Variants in GRK5 observed in about 807,000 individuals in gnomAD.
The protein encoded by GRK5 is g protein-coupled receptor kinase GRK5.
GRK5 carries 40 observed loss-of-function variants against 78.4 expected under a neutral mutation model. The observed-to-expected ratio is 0.51, with a 90% CI of 0.40 to 0.66. The LOEUF is 0.66. Ranked by LOEUF, GRK5 falls within the 30% of genes least tolerant of loss-of-function variation. The pLI, the probability that GRK5 is intolerant of heterozygous loss-of-function variation, is 0.00. For missense variants in GRK5, 598 were observed against 759.9 expected (o/e 0.79, Z 2.50); for synonymous variants, 289 against 296.8 (o/e 0.97, Z 0.27).
chr10:119,435,692 G>A (rs1004741469), intron 8 of GRK5, among the ~76,000 whole-genome samples: 2 of 152,164 alleles, frequency 1.3e-5, no homozygotes, highest in Non-Finnish European at 2.9e-5. Flanking sequence ...TATCTTCTGA[G>A]CCCTTCAAAC....
Position 119,455,081 on chromosome 10 carries a change from C to G in GRK5, c.*14C>G. On this transcript the variant is annotated 3_prime_UTR_variant, in exon 16 of 16. Coordinates refer to ENST00000392870, the MANE Select transcript of GRK5 (RefSeq NM_005308.3). ...GGAAGCAGCTAGTTTCGGCTCTGGC[C>G]TCCAAGTCCACAGTGGAACCAGCCC... The G allele has an allele frequency of 3.1e-6, 5 of 1,593,690 alleles. No homozygotes were observed. The highest frequency in any genetic ancestry group is 4.3e-6 in the Non-Finnish European group (5 of 1,161,402).
At chr10:119,416,277 G>A (rs1589798049) in intron 4 of GRK5, among the ~76,000 whole-genome samples, 1 of 152,274 alleles carries the variant, frequency 6.6e-6, no homozygotes, top group Admixed American at 6.5e-5. Context: ...TGGTGCAGAG[G>A]CAGGGAGCAG....
intron 1 of GRK5, among the ~76,000 whole-genome samples, chr10:119,275,613 G>GCGCGCACA (rs1195537574): frequency 1.7e-5 from 2 of 120,678 alleles, no homozygotes; most frequent in African/African-American, 2.9e-5. Flanking sequence ...TCTCTCTCTC[G>GCGCGCACA]CACACACACA....
At chr10:119,423,591 C>T (rs1008827369) in intron 5 of GRK5, among the ~76,000 whole-genome samples, 2 of 152,190 alleles carry the variant, frequency 1.3e-5, no homozygotes, top group East Asian at 1.9e-4. Context: ...GCCACCAACC[C>T]GAGCCAGTGC....
At chr10:119,265,034 A>G (rs1415433263) in intron 1 of GRK5, among the ~76,000 whole-genome samples, 1 of 152,148 alleles carries the variant, frequency 6.6e-6, no homozygotes, top group Non-Finnish European at 1.5e-5. Flanking sequence ...GCCTCTTTGG[A>G]CAGGCAGCAG....
chr10:119,338,677 C>T (rs1312250336), intron 2 of GRK5, among the ~76,000 whole-genome samples: 1 of 152,184 alleles, frequency 6.6e-6, no homozygotes, highest in East Asian at 1.9e-4. Context: ...ACATACTGGG[C>T]CATTGGGAGC....
rs1010329037 is a variant in GRK5 at position 119,253,431 on chromosome 10, C to T, written c.52+45462C>T. Among the ~76,000 whole-genome samples, 1 of 152,190 alleles carries T rather than the reference C, an allele frequency of 6.6e-6. No individual in the cohort carries two copies. The highest frequency in any genetic ancestry group is 2.4e-5 in the African/African-American group (1 of 41,436). Reference sequence around the variant, plus strand: ...AAGCCAGCCTCCCCACCACCCCTGCCCTCCGTTCCTTTTATATTTAAATCA... The same window carrying T: ...AAGCCAGCCTCCCCACCACCCCTGCTCTCCGTTCCTTTTATATTTAAATCA... On this transcript the variant is annotated intron_variant, in intron 1 of 15. Transcript: ENST00000392870. The surrounding 1 kb of genome is among the most constrained non-coding windows in gnomAD (Gnocchi z 5.7).
Position 119,455,408 on chromosome 10 carries a change from TTTCTC to T in GRK5, c.*343_*347del. ...GATTTTTAAAGAAAAGTTTTGTAAA[TTTCTC>T]TACTGTCTCAGTTTACATTTTGTAT... On this transcript the variant is annotated 3_prime_UTR_variant, in exon 16 of 16. Coordinates refer to ENST00000392870, the MANE Select transcript of GRK5 (RefSeq NM_005308.3). 1.5e-5 allele frequency: 7 copies of T among 471,068 alleles called. No homozygotes were observed. The highest frequency in any genetic ancestry group is 1.0e-4 in the South Asian group (6 of 57,650). 29.2% of individuals were successfully genotyped at this position (471,068 alleles called of 1,614,324 possible). A position where few individuals can be genotyped will look rare whatever the true frequency, so the allele number is the denominator to read the frequency against.
intron 2 of GRK5, among the ~76,000 whole-genome samples, chr10:119,367,819 G>A (rs1176046731): frequency 6.6e-6 from 1 of 152,234 alleles, no homozygotes; most frequent in Non-Finnish European, 1.5e-5. Flanking sequence ...TGGGGGTCTT[G>A]GGACCCTGAG....
At chr10:119,274,086 G>A (rs1849629353) in intron 1 of GRK5, among the ~76,000 whole-genome samples, 1 of 152,218 alleles carries the variant, frequency 6.6e-6, no homozygotes, top group Non-Finnish European at 1.5e-5. Flanking sequence ...AGCTGGGTTT[G>A]TGTCATAAGT....
At chr10:119,358,571 C>T (rs1021748435) in intron 2 of GRK5, among the ~76,000 whole-genome samples, 2 of 152,168 alleles carry the variant, frequency 1.3e-5, no homozygotes, top group African/African-American at 4.8e-5. Context: ...TCATCTGCTC[C>T]TCTTCCACAG....
intron 3 of GRK5, among the ~76,000 whole-genome samples, chr10:119,382,443 A>C (rs759378073): frequency 6.6e-6 from 1 of 152,200 alleles, no homozygotes; most frequent in Admixed American, 6.5e-5. Context: ...TTCAAGCTAT[A>C]AAAAGTAAAA....
In GRK5 at chr10:119,326,532, C is replaced by T; in HGVS notation, c.69C>T (p.Arg23=). 6.2e-7 allele frequency: 1 copy of T among 1,614,108 alleles called. No individual in the cohort carries two copies. Among genetic ancestry groups the T allele is most frequent in the Non-Finnish European group, 8.5e-7 (1 of 1,179,970 alleles). ...LKAREGGGGK[R]KGKSKKWKEI... Reference sequence around the variant, plus strand: ...TCTCTGCAGGGGGCGGAGGAAAGCGCAAAGGGAAAAGCAAGAAGTGGAAAG... The same window carrying T: ...TCTCTGCAGGGGGCGGAGGAAAGCGTAAAGGGAAAAGCAAGAAGTGGAAAG... Residue 23 remains arginine (R), a synonymous_variant, in exon 2 of 16, where the codon CGC becomes CGT. Coordinates refer to ENST00000392870, the MANE Select transcript of GRK5 (RefSeq NM_005308.3).
At position 119,390,346 on chromosome 10, in the gene GRK5, CG is replaced by C. The variant is rs575868898; in HGVS notation, c.262-6346del. On this transcript the variant is annotated intron_variant, in intron 3 of 15. Coordinates refer to ENST00000392870, the MANE Select transcript of GRK5 (RefSeq NM_005308.3). ...AAGGTGAAAGGCACGTCTCACATGG[CG>C]GGAGACAAGAGAAGAGAGCGTGTGC... 6.6e-5 allele frequency among the ~76,000 whole-genome samples: 10 copies of C among 152,280 alleles called. No homozygotes were observed. The South Asian group carries it at 1.7e-3, about 25-fold the overall frequency.
chr10:119,260,289 C>A (rs1202665167), intron 1 of GRK5, among the ~76,000 whole-genome samples: 1 of 152,196 alleles, frequency 6.6e-6, no homozygotes, highest in Non-Finnish European at 1.5e-5. Flanking sequence ...GCGTGAGCCG[C>A]CGCACCGGCC....
intron 4 of GRK5, among the ~76,000 whole-genome samples, chr10:119,402,697 A>G (rs111783964): frequency 0.017 from 2,651 of 152,142 alleles, 76 homozygotes; most frequent in African/African-American, 0.061. Flanking sequence ...CACTAAAAAT[A>G]CAAAAAATCA....
rs904214358 is a variant in GRK5, at chr10:119,379,044, G to C, written c.149-1771G>C. ...ATGGGAGGCGTCAGCTCCCCTTTTA[G>C]ATTCAGAGGCTTGGGTTGAATTGGT... is the stretch of plus-strand genomic sequence containing the variant. On this transcript the variant is annotated intron_variant, in intron 2 of 15. Coordinates refer to ENST00000392870, the MANE Select transcript of GRK5 (RefSeq NM_005308.3). This position sits in a 1 kb window ranked among gnomAD's most constrained non-coding sequence, Gnocchi z 4.1. Among the ~76,000 whole-genome samples the C allele has an allele frequency of 1.4e-4, 21 of 152,230 alleles. No individual in the cohort carries two copies. Among genetic ancestry groups the C allele is most frequent in the Admixed American group, 5.2e-4 (8 of 15,286 alleles).
chr10:119,333,648 A>C (rs10886461), intron 2 of GRK5: 423,993 of 425,096 alleles, frequency 1, 211,459 homozygotes, highest in East Asian at 1. Context: ...CAGGGAGACT[A>C]CTTAGGTGCT....
chr10:119,337,985 T>C (rs1008840562), intron 2 of GRK5, among the ~76,000 whole-genome samples: 10 of 152,180 alleles, frequency 6.6e-5, no homozygotes, highest in African/African-American at 2.4e-4. Flanking sequence ...AATGACCTCA[T>C]TTTAACTTGA....
Sources: allele counts gnomAD v4.1 joint callset (sites outside exome capture counted in the v4.1 genomes callset), GRCh38; gene constraint gnomAD v4.1.1; non-coding constraint Gnocchi (gnomAD v3.1); transcripts MANE v1.5; gene names NCBI Gene and HGNC (gene_info 2026-07-23, HGNC 2026-07-21).